The following WDR7 variants were observed in gnomAD, a reference collection of about 807,000 sequenced individuals.
WDR7 encodes WD repeat-containing protein 7.
Under a neutral mutation model 169.4 loss-of-function variants are expected in WDR7, and 46 were observed. The observed-to-expected ratio is 0.27, with a 90% confidence interval of 0.21 to 0.35. WDR7 has a LOEUF of 0.35. Ranked by LOEUF, WDR7 falls within the 10% of genes least tolerant of loss-of-function variation. WDR7 has a pLI of 1.00. For missense variants in WDR7, 1,534 were observed against 1,859.3 expected, an observed-to-expected ratio of 0.83 and a Z score of 3.22; for synonymous variants, 612 against 666.8, an observed-to-expected ratio of 0.92 and a Z score of 1.27.
chr18:56,731,567 T>A lies in WDR7; in HGVS notation c.1959T>A (p.Thr653=). The part of the protein sequence containing the change: ...MAHHKLQTLA[T]NLLASEASDK... ...ATCATAAGCTACAAACCCTTGCAAC[T>A]AACCTCTTGGCTTCTGAGGCATCTG... is the stretch of plus-strand genomic sequence containing the variant. The change falls in exon 14 of 28, where the codon ACT becomes ACA. Residue 653 remains threonine, a synonymous_variant. Transcript: ENST00000254442. The A allele has an allele frequency of 6.2e-7, 1 of 1,614,068 alleles. No individual in the cohort carries two copies. Among genetic ancestry groups the A allele is most frequent in the Admixed American group, 1.7e-5 (1 of 60,012 alleles).
chr18:56,782,969 A>T (rs2044342056), intron 19 of WDR7, among the ~76,000 whole-genome samples: 1 of 152,172 alleles, frequency 6.6e-6, no homozygotes, highest in South Asian at 2.1e-4. Flanking sequence ...GCCCATAGTA[A>T]GCATAATACT....
intron 26 of WDR7, among the ~76,000 whole-genome samples, chr18:56,971,586 G>C (rs1447102076): frequency 6.6e-6 from 1 of 152,124 alleles, no homozygotes; most frequent in Non-Finnish European, 1.5e-5. Flanking sequence ...AGGGGAGAAA[G>C]CAAGAAGAGC....
chr18:56,805,548 A>G (rs2044759139), intron 19 of WDR7, among the ~76,000 whole-genome samples: 1 of 152,164 alleles, frequency 6.6e-6, no homozygotes, highest in Non-Finnish European at 1.5e-5. Flanking sequence ...GATTGACACT[A>G]CATTAAACTC....
intron 1 of WDR7, among the ~76,000 whole-genome samples, chr18:56,663,700 A>G (rs78922814): frequency 5.3e-5 from 8 of 151,372 alleles, no homozygotes; most frequent in East Asian, 3.9e-4. Flanking sequence ...ATATATGTAG[A>G]TATACCACAT....
chr18:56,703,202 C>G (rs977975934), intron 12 of WDR7, among the ~76,000 whole-genome samples: 1 of 152,226 alleles, frequency 6.6e-6, no homozygotes, highest in Non-Finnish European at 1.5e-5. Flanking sequence ...ATTAGATTCC[C>G]GGCTCCTAGA....
At chr18:56,659,314 T>C (rs2024854071) in intron 1 of WDR7, among the ~76,000 whole-genome samples, 1 of 152,260 alleles carries the variant, frequency 6.6e-6, no homozygotes, top group South Asian at 2.1e-4. Flanking sequence ...GGATATACTT[T>C]AATTTGCTGA....
At chr18:56,797,521 T>A (rs1164151015) in intron 19 of WDR7, among the ~76,000 whole-genome samples, 1 of 151,692 alleles carries the variant, frequency 6.6e-6, no homozygotes, top group East Asian at 1.9e-4. Flanking sequence ...TTATATTTTA[T>A]ATTTATGATA....
In WDR7 at chr18:56,836,900, G is replaced by A. The variant is rs188845535; in HGVS notation, c.3304+20756G>A. Reference sequence around the variant, plus strand: ...TAATTATTAGTGTATTAATTCTTCTGCATATTTTTACAGTTTAACAAAAAT... The same window carrying A: ...TAATTATTAGTGTATTAATTCTTCTACATATTTTTACAGTTTAACAAAAAT... On this transcript the variant is annotated intron_variant, in intron 20 of 27. Coordinates refer to ENST00000254442, the MANE Select transcript of WDR7 (RefSeq NM_015285.3). Among the ~76,000 whole-genome samples the A allele has an allele frequency of 2.0e-3, 311 of 152,090 alleles. 1 individual carries two copies. The highest frequency in any genetic ancestry group is 2.9e-3 in the Non-Finnish European group (197 of 67,972).
At chr18:56,732,909 C>T (rs1436734947) in intron 14 of WDR7, among the ~76,000 whole-genome samples, 1 of 151,872 alleles carries the variant, frequency 6.6e-6, no homozygotes, top group African/African-American at 2.4e-5. Context: ...GGTGTAACTC[C>T]CAGATATATT....
At chr18:56,816,701 G>A (rs148065521) in intron 20 of WDR7, among the ~76,000 whole-genome samples, 1 of 149,642 alleles carries the variant, frequency 6.7e-6, no homozygotes, top group Non-Finnish European at 1.5e-5. Context: ...CACTATAAAT[G>A]TTTAGCCCGT....
At chr18:56,751,283 G>A (rs956178381) in intron 14 of WDR7, among the ~76,000 whole-genome samples, 4 of 152,260 alleles carry the variant, frequency 2.6e-5, no homozygotes, top group South Asian at 2.1e-4. Flanking sequence ...TGCAGGTGCC[G>A]AAAGCGGGCA....
chr18:56,908,175 A>G (rs1176871548), intron 21 of WDR7, among the ~76,000 whole-genome samples: 1 of 152,188 alleles, frequency 6.6e-6, no homozygotes, highest in Non-Finnish European at 1.5e-5. Context: ...CCCTCCACAG[A>G]CTTCGAGAGG....
At chr18:57,032,831 A>ATATATG (rs2048449692), downstream of WDR7, 1 of 128,616 alleles carries the variant, frequency 7.8e-6, no homozygotes, top group African/African-American at 3.1e-5. Flanking sequence ...ATATATATAT[A>ATATATG]TATATATATA....
chr18:57,013,338 G>A (rs2048163283), intron 26 of WDR7, among the ~76,000 whole-genome samples: 1 of 152,180 alleles, frequency 6.6e-6, no homozygotes, highest in African/African-American at 2.4e-5. Context: ...CATGGTCCAG[G>A]GGTTGAGGAC....
intron 26 of WDR7, chr18:57,009,862 T>C (rs1004563179): frequency 1.0e-5 from 10 of 985,070 alleles, no homozygotes; most frequent in Admixed American, 6.2e-5. Context: ...AAAGGAGAGG[T>C]GACAAAGGAG....
intron 14 of WDR7, among the ~76,000 whole-genome samples, chr18:56,752,488 C>T (rs375621294): frequency 1.8e-4 from 27 of 152,090 alleles, no homozygotes; most frequent in African/African-American, 6.3e-4. Flanking sequence ...AACTTATGTA[C>T]GCATCATCAT....
At chr18:56,695,474 A>G (rs947099939) in intron 11 of WDR7, among the ~76,000 whole-genome samples, 16 of 152,182 alleles carry the variant, frequency 1.1e-4, no homozygotes, top group African/African-American at 3.9e-4. Context: ...ATGGATTACT[A>G]AATAATTACT....
intron 21 of WDR7, among the ~76,000 whole-genome samples, chr18:56,898,360 A>G (rs1198748533): frequency 6.6e-6 from 1 of 152,086 alleles, no homozygotes; most frequent in African/African-American, 2.4e-5. Flanking sequence ...AGATCACAGA[A>G]GTAATTGTTG....
At chr18:56,977,110 C>T (rs1441165845) in intron 26 of WDR7, among the ~76,000 whole-genome samples, 1 of 152,162 alleles carries the variant, frequency 6.6e-6, no homozygotes, top group Non-Finnish European at 1.5e-5. Context: ...GAAGATTAAT[C>T]AAGCCAATGT....
Sources: gnomAD v4.1 joint callset for allele counts (sites outside exome capture counted in the v4.1 genomes callset) on GRCh38, gnomAD v4.1.1 for gene constraint, MANE v1.5 for transcripts, NCBI Gene and HGNC (gene_info 2026-07-23, HGNC 2026-07-21) for gene names.